The following FBXO31 variants were observed in gnomAD, a reference collection of about 807,000 sequenced individuals.
The protein encoded by FBXO31 is F-box protein 31.
FBXO31 carries 24 observed loss-of-function variants against 54.4 expected under a neutral mutation model. The ratio of observed to expected loss-of-function variants is 0.44; its 90% CI spans 0.32 to 0.62. The LOEUF (loss-of-function observed/expected upper bound fraction) is 0.62, where lower values mean the gene tolerates loss of function less well. Ranked by LOEUF, FBXO31 falls within the 20% of genes least tolerant of loss-of-function variation. The probability of loss-of-function intolerance (pLI) is 0.05; values close to 1 mark genes in which losing one functional copy is unlikely to be tolerated. For missense variants in FBXO31, 665 were observed against 787.1 expected (o/e 0.84, Z 1.86); for synonymous variants, 388 against 335.6 (o/e 1.16, Z -1.71).
chr16:87,383,493 G>A lies in FBXO31; in HGVS notation c.252C>T (p.Gly84=). The A allele has an allele frequency of 6.3e-7, 1 of 1,588,028 alleles. No individual in the cohort carries two copies. Among genetic ancestry groups the A allele is most frequent in the Non-Finnish European group, 8.5e-7 (1 of 1,170,832 alleles). ...CCTGGGCCAAGCTGGGTAGGTCCGT[G>A]CCCGGCAGCGACGCGAAGATCTCCA... The part of the protein sequence containing the change: ...LLVEIFASLP[G]TDLPSLAQVC... Residue 84 remains glycine (G), a synonymous_variant, in exon 1 of 9, where the codon GGC becomes GGT. Coordinates refer to ENST00000311635, the MANE Select transcript of FBXO31 (RefSeq NM_024735.5). The surrounding 1 kb of genome is among the most constrained non-coding windows in gnomAD (Gnocchi z 4.9).
chr16:87,371,981 T>C (rs1041671116), intron 1 of FBXO31, among the ~76,000 whole-genome samples: 6 of 152,120 alleles, frequency 3.9e-5, no homozygotes, highest in Middle Eastern at 3.2e-3. Flanking sequence ...CCCAGCACTT[T>C]AGGAGGCCGA....
chr16:87,383,364 A>ACCCCC lies in FBXO31; in HGVS notation c.340+36_340+40dup. Reference sequence around the variant, plus strand: ...GCTCCGAGGCCTCCACCTGGCAGGGACCCCCCGCCCCTCCCGGCCCCGCCA... The same window carrying ACCCCC: ...GCTCCGAGGCCTCCACCTGGCAGGGACCCCCCCCCCCGCCCCTCCCGGCCCCGCCA... On this transcript the variant is annotated intron_variant, in intron 1 of 8. Transcript: ENST00000311635. The surrounding 1 kb of genome is among the most constrained non-coding windows in gnomAD (Gnocchi z 4.9). 6.0e-6 allele frequency: 8 copies of ACCCCC among 1,329,438 alleles called. No individual in the cohort carries two copies. Among genetic ancestry groups the ACCCCC allele is most frequent in the South Asian group, 1.3e-5 (1 of 76,816 alleles). 82.4% of individuals were successfully genotyped at this position (1,329,438 alleles called of 1,614,324 possible). A position where few individuals can be genotyped will look rare whatever the true frequency, so the allele number is the denominator to read the frequency against.
At chr16:87,388,459 T>C (rs952018511), upstream of FBXO31, among the ~76,000 whole-genome samples, 7 of 152,188 alleles carry the variant, frequency 4.6e-5, no homozygotes, top group Non-Finnish European at 7.3e-5. Context: ...ACTGGGCCTA[T>C]AGTGGTGCAG....
At chr16:87,376,133 C>T (rs1377791471) in intron 1 of FBXO31, among the ~76,000 whole-genome samples, 2 of 152,178 alleles carry the variant, frequency 1.3e-5, no homozygotes, top group African/African-American at 2.4e-5. Context: ...GCCTTAAACA[C>T]GCAAGCCTCA....
rs2150701639 is a variant in FBXO31, at chr16:87,383,606, T to C, written c.139A>G (p.Ser47Gly). Reference protein sequence around the residue: ...TDPEEERIEASAGVGGGLCAG... With the variant: ...TDPEEERIEAGAGVGGGLCAG... ...CACAAGCCGCCCCCGACCCCGGCGC[T>C]AGCCTCGATGCGCTCCTCCTCGGGG... The change falls in exon 1 of 9, where the codon AGC becomes GGC. Residue 47 changes from serine (S) to glycine (G), a missense_variant. Ser to Gly is a moderately conservative substitution (Grantham distance 56). Transcript: ENST00000311635. This position sits in a 1 kb window ranked among gnomAD's most constrained non-coding sequence, Gnocchi z 4.9. 6.8e-7 allele frequency: 1 copy of C among 1,468,912 alleles called. No individual in the cohort carries two copies. Among genetic ancestry groups the C allele is most frequent in the South Asian group, 1.3e-5 (1 of 75,554 alleles). The allele number at this position is 1,468,912 out of a possible 1,614,324, so 91.0% of individuals were successfully genotyped here.
chr16:87,378,923 C>A (rs1384437626), intron 1 of FBXO31, among the ~76,000 whole-genome samples: 1 of 148,620 alleles, frequency 6.7e-6, no homozygotes, highest in Non-Finnish European at 1.5e-5. Flanking sequence ...GATGGCGCCA[C>A]TGCACTCCAG....
At chr16:87,352,782 C>G (rs1905720423) in intron 2 of FBXO31, among the ~76,000 whole-genome samples, 1 of 152,158 alleles carries the variant, frequency 6.6e-6, no homozygotes, top group African/African-American at 2.4e-5. Context: ...CCTGGGAGCC[C>G]CGGCATAAAT....
upstream of FBXO31, among the ~76,000 whole-genome samples, chr16:87,388,325 T>C (rs552877088): frequency 5.2e-5 from 8 of 152,386 alleles, 1 homozygote; most frequent in African/African-American, 1.7e-4. Flanking sequence ...GTCTATTCAG[T>C]GTCAACCCCT....
At chr16:87,362,019 T>C (rs893500110) in intron 1 of FBXO31, among the ~76,000 whole-genome samples, 8 of 152,168 alleles carry the variant, frequency 5.3e-5, no homozygotes, top group African/African-American at 2.4e-5. Flanking sequence ...GGTCCCCTAA[T>C]AAATACACCC....
intron 3 of FBXO31, 142 bp from the exon 4 acceptor site, chr16:87,343,907 G>A: frequency 5.0e-6 from 4 of 794,848 alleles, no homozygotes; most frequent in African/African-American, 1.7e-5. Context: ...CCCTCGAGGT[G>A]CCTCGAATCC....
intron 8 of FBXO31, among the ~76,000 whole-genome samples, chr16:87,333,589 GGCACTATT>G (rs1445090973): frequency 6.6e-6 from 1 of 152,202 alleles, no homozygotes; most frequent in Non-Finnish European, 1.5e-5. Context: ...CTGGGGGAGC[GGCACTATT>G]GCAGGGATGT....
chr16:87,342,112 T>C (rs978403542), intron 5 of FBXO31, among the ~76,000 whole-genome samples: 31 of 152,166 alleles, frequency 2.0e-4, no homozygotes, highest in Non-Finnish European at 3.7e-4. Context: ...GCCACCCACA[T>C]GGGAGTGCGG....
chr16:87,350,574 C>A (rs1481459391), intron 2 of FBXO31, among the ~76,000 whole-genome samples: 1 of 152,190 alleles, frequency 6.6e-6, no homozygotes, highest in African/African-American at 2.4e-5. Flanking sequence ...CGTACTGACG[C>A]CTGCAAGTGT....
Position 87,345,536 on chromosome 16 carries a change from C to G in FBXO31, c.489+1638G>C, listed in dbSNP as rs375078159. ...TTTTCAACATAAATTGGCAGGTGAC[C>G]GAGAAACACAGAAACTAAAACTACA... On this transcript the variant is annotated intron_variant, in intron 3 of 8. Coordinates refer to ENST00000311635, the MANE Select transcript of FBXO31 (RefSeq NM_024735.5). This position sits in a 1 kb window ranked among gnomAD's most constrained non-coding sequence, Gnocchi z 4.9. Among the ~76,000 whole-genome samples, 2 of 152,102 alleles carry G rather than the reference C, an allele frequency of 1.3e-5. No individual in the cohort carries two copies. The highest frequency in any genetic ancestry group is 2.9e-5 in the Non-Finnish European group (2 of 68,018).
intron 2 of FBXO31, among the ~76,000 whole-genome samples, chr16:87,351,555 T>A (rs1448544273): frequency 6.6e-6 from 1 of 152,128 alleles, no homozygotes; most frequent in Non-Finnish European, 1.5e-5. Flanking sequence ...TGCCACATTA[T>A]CTTCCCATAT....
chr16:87,370,963 C>A (rs1906577353), intron 1 of FBXO31, among the ~76,000 whole-genome samples: 1 of 152,124 alleles, frequency 6.6e-6, no homozygotes, highest in Non-Finnish European at 1.5e-5. Flanking sequence ...GGGGACATGC[C>A]CCCGGGCTCC....
chr16:87,337,781 T>C (rs1384030061), intron 5 of FBXO31, among the ~76,000 whole-genome samples: 1 of 151,352 alleles, frequency 6.6e-6, no homozygotes, highest in Non-Finnish European at 1.5e-5. Flanking sequence ...GGCACAGGCC[T>C]CCACACAAAT....
chr16:87,379,576 A>C (rs2318449), intron 1 of FBXO31, among the ~76,000 whole-genome samples: 2,729 of 152,214 alleles, frequency 0.018, 76 homozygotes, highest in African/African-American at 0.063. Flanking sequence ...CCAGCTTCTC[A>C]GGGCTGCTCT....
At chr16:87,378,719 T>C (rs143195538) in intron 1 of FBXO31, among the ~76,000 whole-genome samples, 3,431 of 152,204 alleles carry the variant, frequency 0.023, 134 homozygotes, top group African/African-American at 0.079. Context: ...CCCAGCACTT[T>C]GGGAGGCAGA....
Sources: gnomAD v4.1 joint callset for allele counts (sites outside exome capture counted in the v4.1 genomes callset) on GRCh38, gnomAD v4.1.1 for gene constraint, Gnocchi (gnomAD v3.1) non-coding constraint, MANE v1.5 for transcripts, NCBI Gene and HGNC (gene_info 2026-07-23, HGNC 2026-07-21) for gene names.